BCKDHB: variants seen among roughly 807,000 people sequenced by gnomAD.
BCKDHB encodes branched chain keto acid dehydrogenase E1 subunit beta.
A neutral mutation model predicts 48.5 loss-of-function variants in BCKDHB; 41 were observed. The ratio of observed to expected loss-of-function variants is 0.85; its 90% CI spans 0.66 to 1.10. BCKDHB has a LOEUF of 1.10. BCKDHB is among the 50% of genes least tolerant of loss of function. The probability of loss-of-function intolerance (pLI) is 0.00; values close to 1 mark genes in which losing one functional copy is unlikely to be tolerated. For synonymous variants in BCKDHB, 201 were observed against 174.8 expected (o/e 1.15, Z -1.18); for missense variants, 496 against 494.2 (o/e 1.00, Z -0.03).
At chr6:80,327,419 A>G (rs1769088274) in intron 9 of BCKDHB, among the ~76,000 whole-genome samples, 1 of 152,200 alleles carries the variant, frequency 6.6e-6, no homozygotes, top group African/African-American at 2.4e-5. Context: ...AAAATTTTTA[A>G]GTTGAACATT....
intron 1 of BCKDHB, among the ~76,000 whole-genome samples, chr6:80,111,717 A>G (rs958026351): frequency 2.0e-5 from 3 of 152,240 alleles, no homozygotes; most frequent in African/African-American, 7.2e-5. Context: ...GCCTTCCACT[A>G]GAAACTAAAA....
chr6:80,239,062 C>T (rs568523662), intron 8 of BCKDHB, among the ~76,000 whole-genome samples: 16 of 152,134 alleles, frequency 1.1e-4, no homozygotes, highest in South Asian at 4.1e-4. Flanking sequence ...AATGAACATA[C>T]GTGTGCATGT....
At chr6:80,113,418 G>A (rs1398276468) in intron 1 of BCKDHB, among the ~76,000 whole-genome samples, 1 of 152,188 alleles carries the variant, frequency 6.6e-6, no homozygotes, top group East Asian at 1.9e-4. Context: ...ACCCAAACTG[G>A]GCGGTGGTGG....
At position 80,287,728 on chromosome 6, in the gene BCKDHB, T is replaced by G. The variant is rs1363501483; in HGVS notation, c.1038+14507T>G. Reference sequence around the variant, plus strand: ...AGCTGGATTCCCTGTTTGTATAAGGTGGGAATTCCTGGTGGCTCCACCCCA... The same window carrying G: ...AGCTGGATTCCCTGTTTGTATAAGGGGGGAATTCCTGGTGGCTCCACCCCA... On this transcript the variant is annotated intron_variant, in intron 9 of 9. Transcript: ENST00000320393. 2.0e-5 allele frequency among the ~76,000 whole-genome samples: 3 copies of G among 152,134 alleles called. No individual in the cohort carries two copies. In the East Asian group the frequency reaches 5.8e-4, roughly 29 times the overall value.
At chr6:80,159,649 C>T (rs1041580069) in intron 3 of BCKDHB, among the ~76,000 whole-genome samples, 7 of 152,256 alleles carry the variant, frequency 4.6e-5, no homozygotes, top group Admixed American at 6.5e-5. Context: ...CATCATCAAG[C>T]TTTAATATAT....
chr6:80,119,362 A>G (rs1040300042), intron 1 of BCKDHB, among the ~76,000 whole-genome samples: 3 of 152,172 alleles, frequency 2.0e-5, no homozygotes, highest in Non-Finnish European at 2.9e-5. Context: ...TCTGTCACGC[A>G]GGCTGGAGTG....
chr6:80,233,343 A>G (rs1413904729), intron 8 of BCKDHB, among the ~76,000 whole-genome samples: 1 of 152,196 alleles, frequency 6.6e-6, no homozygotes, highest in Admixed American at 6.5e-5. Flanking sequence ...TTCTCAAATC[A>G]TTTTAGTATA....
At chr6:80,189,477 C>A (rs1424907965) in intron 6 of BCKDHB, among the ~76,000 whole-genome samples, 2 of 152,090 alleles carry the variant, frequency 1.3e-5, no homozygotes, top group African/African-American at 4.8e-5. Flanking sequence ...ATTAACAATG[C>A]CCAAACTGAA....
At chr6:80,460,249 A>G in the BCKDHB span, among the ~76,000 whole-genome samples, 132 of 152,308 alleles carry the variant, frequency 8.7e-4, 1 homozygote, top group Middle Eastern at 0.014. Flanking sequence ...GCACAACTCC[A>G]AATCAAAGAT....
chr6:80,259,634 C>T (rs886653171), intron 8 of BCKDHB, among the ~76,000 whole-genome samples: 3 of 152,076 alleles, frequency 2.0e-5, no homozygotes, highest in African/African-American at 7.2e-5. Context: ...TTATTTGGGT[C>T]TCCAGGTAGC....
At chr6:80,131,039 T>C (rs1290535626) in intron 3 of BCKDHB, among the ~76,000 whole-genome samples, 2 of 152,188 alleles carry the variant, frequency 1.3e-5, no homozygotes, top group African/African-American at 2.4e-5. Context: ...TCCCAAAAAA[T>C]CTAGGGGTTT....
chr6:80,394,708 G>T, the BCKDHB span, among the ~76,000 whole-genome samples: 2 of 152,128 alleles, frequency 1.3e-5, no homozygotes, highest in Non-Finnish European at 1.5e-5. Context: ...GTAGCTACAG[G>T]TCTGCTTTTG....
At chr6:80,387,088 G>C in the BCKDHB span, among the ~76,000 whole-genome samples, 1 of 152,150 alleles carries the variant, frequency 6.6e-6, no homozygotes, top group Non-Finnish European at 1.5e-5. Context: ...AGCTGACATT[G>C]ATTCCAGGGG....
intron 7 of BCKDHB, among the ~76,000 whole-genome samples, 191 bp from the exon 8 acceptor site, chr6:80,202,911 T>C (rs1402179718): frequency 3.3e-5 from 5 of 152,136 alleles, no homozygotes; most frequent in African/African-American, 1.2e-4. Flanking sequence ...CCATCTGTTT[T>C]CTAGACATCT....
intron 8 of BCKDHB, among the ~76,000 whole-genome samples, chr6:80,205,896 T>C (rs1430360516): frequency 1.3e-5 from 2 of 151,406 alleles, no homozygotes; most frequent in Admixed American, 6.6e-5. Context: ...GAGTGGCATG[T>C]TGACACCGAT....
intron 9 of BCKDHB, among the ~76,000 whole-genome samples, chr6:80,340,627 T>C (rs1469756101): frequency 1.3e-5 from 2 of 152,250 alleles, no homozygotes; most frequent in African/African-American, 4.8e-5. Flanking sequence ...TTTTAAGTTA[T>C]GGAACAGAAG....
At chr6:80,162,123 T>A (rs1197807820) in intron 3 of BCKDHB, among the ~76,000 whole-genome samples, 1 of 152,192 alleles carries the variant, frequency 6.6e-6, no homozygotes, top group African/African-American at 2.4e-5. Flanking sequence ...GGGGCACTCA[T>A]GTTGCCTGCC....
intron 1 of BCKDHB, among the ~76,000 whole-genome samples, chr6:80,108,440 A>G (rs1162222153): frequency 6.6e-6 from 1 of 151,760 alleles, no homozygotes; most frequent in Admixed American, 6.6e-5. Context: ...TAAACTTACT[A>G]AAATCTAAGT....
At chr6:80,205,170 AG>A (rs1774584446) in intron 8 of BCKDHB, among the ~76,000 whole-genome samples, 1 of 151,970 alleles carries the variant, frequency 6.6e-6, no homozygotes, top group South Asian at 2.1e-4. Flanking sequence ...TTTTCCTGCT[AG>A]GATTTAGAGA....
Sources: gnomAD v4.1 joint callset for allele counts (sites outside exome capture counted in the v4.1 genomes callset) on GRCh38, gnomAD v4.1.1 for gene constraint, MANE v1.5 for transcripts, NCBI Gene and HGNC (gene_info 2026-07-23, HGNC 2026-07-21) for gene names.